PLEKHB1: variants seen among roughly 807,000 people sequenced by gnomAD.
The protein encoded by PLEKHB1 is pleckstrin homology domain-containing family B member 1.
PLEKHB1 carries 29 observed loss-of-function variants against 36.2 expected under a neutral mutation model. The ratio of observed to expected loss-of-function variants is 0.80; its 90% CI spans 0.60 to 1.09. PLEKHB1 has a LOEUF of 1.09. PLEKHB1 is among the 50% of genes least tolerant of loss of function. The pLI is 0.00. For synonymous variants in PLEKHB1, 138 were observed against 140.0 expected (o/e 0.99, Z 0.10); for missense variants, 330 against 348.2 (o/e 0.95, Z 0.42).
intron 6 of PLEKHB1, 91 bp from the exon 7 acceptor site, chr11:73,660,662 G>A: frequency 7.9e-7 from 1 of 1,258,122 alleles, no homozygotes; most frequent in Non-Finnish European, 1.1e-6. Flanking sequence ...TGGCTCCATG[G>A]ATCCCAGAGA....
rs952553230 is a variant in PLEKHB1, at chr11:73,661,201, T to G, written c.596-265T>G. Among the ~76,000 whole-genome samples the G allele has an allele frequency of 1.5e-4, 23 of 152,198 alleles. No homozygotes were observed. Among genetic ancestry groups the G allele is most frequent in the African/African-American group, 5.6e-4 (23 of 41,440 alleles). ...CCCATCGTTAGGCGCCTGGTGGTTG[T>G]GCTTAGCGATCTCAGGGTTTCCTCG... On this transcript the variant is annotated intron_variant, in intron 7 of 7. Coordinates refer to ENST00000354190, the MANE Select transcript of PLEKHB1 (RefSeq NM_021200.3). This position sits in a 1 kb window ranked among gnomAD's most constrained non-coding sequence, Gnocchi z 4.6.
chr11:73,648,769 G>T, intron 1 of PLEKHB1: 1 of 1,270,038 alleles, frequency 7.9e-7, no homozygotes, highest in Admixed American at 3.7e-5. Context: ...AGCTGAGGCT[G>T]GAATCCAGGC....
At chr11:73,659,745 G>C (rs1945065907) in intron 6 of PLEKHB1, among the ~76,000 whole-genome samples, 1 of 152,216 alleles carries the variant, frequency 6.6e-6, no homozygotes, top group Non-Finnish European at 1.5e-5. Flanking sequence ...GGGAGAGAGG[G>C]GAGGGCAGGG....
intron 2 of PLEKHB1, among the ~76,000 whole-genome samples, chr11:73,649,485 C>T (rs532211675): frequency 3.9e-5 from 6 of 152,312 alleles, no homozygotes; most frequent in African/African-American, 1.2e-4. Flanking sequence ...GCGAACTCCT[C>T]AAGGACAGGG....
In PLEKHB1 at chr11:73,649,101, G is replaced by A. The variant is rs1258483288; in HGVS notation, c.94+14G>A. On this transcript the variant is annotated intron_variant, in intron 2 of 7. Transcript: ENST00000354190. ...TGTGGAGACAGAGTGAGTGATCCTG[G>A]GCCCCTGGTCCTGGGGCAGGGTGAA... The A allele has an allele frequency of 1.3e-6, 2 of 1,586,756 alleles. No homozygotes were observed. Among genetic ancestry groups the A allele is most frequent in the Admixed American group, 1.8e-5 (1 of 55,692 alleles).
rs958756768 is a variant in PLEKHB1, at chr11:73,660,567, G to GAGGACA, written c.496-181_496-180insAAGGAC. ...AGCTGGATGTAGGGCAGAAGTTTTA[G>GAGGACA]AGGACCGTGGACCTTGTGGGGAGGG... On this transcript the variant is annotated intron_variant, in intron 6 of 7. Coordinates refer to ENST00000354190, the MANE Select transcript of PLEKHB1 (RefSeq NM_021200.3). The GAGGACA allele has an allele frequency of 3.8e-5, 23 of 597,700 alleles. No individual in the cohort carries two copies. In the African/African-American group the frequency reaches 4.1e-4, roughly 11 times the overall value. 37.0% of individuals were successfully genotyped at this position (597,700 alleles called of 1,614,324 possible). A position where few individuals can be genotyped will look rare whatever the true frequency, so the allele number is the denominator to read the frequency against.
chr11:73,647,818 GGGGA>G (rs1290773513), intron 1 of PLEKHB1: 95 of 979,742 alleles, frequency 9.7e-5, no homozygotes, highest in Non-Finnish European at 1.1e-4. Context: ...ACCGTGGAGA[GGGGA>G]GGGAGCGGCA....
intron 5 of PLEKHB1, chr11:73,653,496 A>G (rs777128954): frequency 2.2e-6 from 1 of 459,748 alleles, no homozygotes; most frequent in South Asian, 1.5e-5. Flanking sequence ...GCCCACCTGG[A>G]CTCAGCCTAA....
Sources: gnomAD v4.1 joint callset for allele counts (sites outside exome capture counted in the v4.1 genomes callset) on GRCh38, gnomAD v4.1.1 for gene constraint, Gnocchi (gnomAD v3.1) non-coding constraint, MANE v1.5 for transcripts, NCBI Gene and HGNC (gene_info 2026-07-23, HGNC 2026-07-21) for gene names.